CDK14: variants seen among roughly 807,000 people sequenced by gnomAD.
The protein encoded by CDK14 is cyclin dependent kinase 14.
Under a neutral mutation model 60.7 loss-of-function variants are expected in CDK14, and 34 were observed. The observed-to-expected ratio is 0.56, with a 90% confidence interval of 0.43 to 0.75. The LOEUF is 0.75. CDK14 is among the 30% of genes least tolerant of loss of function. The pLI, the probability that CDK14 is intolerant of heterozygous loss-of-function variation, is 0.00. For synonymous variants in CDK14, 197 were observed against 203.7 expected, an observed-to-expected ratio of 0.97 and a Z score of 0.28; for missense variants, 482 against 564.1, an observed-to-expected ratio of 0.85 and a Z score of 1.47.
chr7:91,161,938 T>C (rs1426942227), intron 14 of CDK14, among the ~76,000 whole-genome samples: 1 of 152,222 alleles, frequency 6.6e-6, no homozygotes, highest in Non-Finnish European at 1.5e-5. Context: ...TAAGTACATT[T>C]TTAATATAAC....
intron 5 of CDK14, among the ~76,000 whole-genome samples, chr7:90,839,274 C>T (rs1031849375): frequency 6.6e-6 from 1 of 152,042 alleles, no homozygotes; most frequent in African/African-American, 2.4e-5. Context: ...ATTGACCTGC[C>T]TAGGGATTCA....
intron 10 of CDK14, among the ~76,000 whole-genome samples, chr7:90,987,786 G>C (rs945600705): frequency 1.3e-5 from 2 of 151,974 alleles, no homozygotes; most frequent in Non-Finnish European, 1.5e-5. Flanking sequence ...CTATTAAATA[G>C]TAATTAGATC....
intron 4 of CDK14, among the ~76,000 whole-genome samples, chr7:90,779,486 AG>A (rs1354387386): frequency 1.3e-5 from 2 of 152,182 alleles, no homozygotes. Context: ...ACCCCTGGTC[AG>A]AAGTGATCTT....
At chr7:90,649,784 G>C (rs570478282) in intron 2 of CDK14, among the ~76,000 whole-genome samples, 1 of 151,948 alleles carries the variant, frequency 6.6e-6, no homozygotes, top group Non-Finnish European at 1.5e-5. Context: ...TGCAAAGGAC[G>C]TGAACTCATC....
At chr7:90,748,800 G>T (rs1339465269) in intron 4 of CDK14, among the ~76,000 whole-genome samples, 3 of 152,114 alleles carry the variant, frequency 2.0e-5, no homozygotes, top group Non-Finnish European at 2.9e-5. Flanking sequence ...TATTGCCCAG[G>T]CTGGTTTTAA....
chr7:91,123,215 T>C (rs973293918), intron 14 of CDK14, among the ~76,000 whole-genome samples: 1 of 152,214 alleles, frequency 6.6e-6, no homozygotes, highest in Non-Finnish European at 1.5e-5. Flanking sequence ...TCAGCACTTT[T>C]CAATATATAA....
intron 7 of CDK14, among the ~76,000 whole-genome samples, chr7:90,905,375 CAAAA>C (rs1195257788): frequency 6.6e-6 from 1 of 151,916 alleles, no homozygotes; most frequent in Non-Finnish European, 1.5e-5. Context: ...AACTGACAAA[CAAAA>C]GAACTAGATT....
intron 8 of CDK14, among the ~76,000 whole-genome samples, chr7:90,950,017 T>G (rs1369358299): frequency 6.6e-6 from 1 of 152,274 alleles, no homozygotes; most frequent in African/African-American, 2.4e-5. Flanking sequence ...ATTGGGCATT[T>G]AAGTCTTTTA....
intron 2 of CDK14, among the ~76,000 whole-genome samples, chr7:90,630,015 G>C (rs1366185898): frequency 6.6e-6 from 1 of 151,736 alleles, no homozygotes; most frequent in African/African-American, 2.4e-5. Context: ...CTCCAGCCTG[G>C]GCAACAGAAC....
At chr7:90,822,163 A>C (rs1231734466) in intron 5 of CDK14, among the ~76,000 whole-genome samples, 1 of 152,238 alleles carries the variant, frequency 6.6e-6, no homozygotes, top group Non-Finnish European at 1.5e-5. Flanking sequence ...TATTTTTGGC[A>C]GTATCTAGCA....
Position 90,615,600 on chromosome 7 carries a change from A to G in CDK14, c.123+11351A>G, listed in dbSNP as rs533588741. Reference sequence around the variant, plus strand: ...TGGTATTTTTTTTGAGTGGGAAAGAAGGGGGCTGAGTTGCAGTTAGAGTAC... The same window carrying G: ...TGGTATTTTTTTTGAGTGGGAAAGAGGGGGGCTGAGTTGCAGTTAGAGTAC... On this transcript the variant is annotated intron_variant, in intron 2 of 14. Coordinates refer to ENST00000380050, the MANE Select transcript of CDK14 (RefSeq NM_001287135.2). 7.2e-5 allele frequency among the ~76,000 whole-genome samples: 11 copies of G among 152,328 alleles called. No individual in the cohort carries two copies. The South Asian group carries it at 2.1e-3, about 29-fold the overall frequency.
At chr7:90,614,036 C>T (rs543834165) in intron 2 of CDK14, among the ~76,000 whole-genome samples, 13 of 124,632 alleles carry the variant, frequency 1.0e-4, no homozygotes, top group East Asian at 2.9e-4. Context: ...GATGGAGTTT[C>T]GCTCTTGTTG....
At chr7:90,863,062 G>A (rs1791059447) in intron 5 of CDK14, 113 bp from the exon 6 acceptor site, 9 of 543,578 alleles carry the variant, frequency 1.7e-5, no homozygotes. Flanking sequence ...TTATTGACTT[G>A]GAACATGTGA....
intron 9 of CDK14, among the ~76,000 whole-genome samples, chr7:90,976,356 G>A (rs750395239): frequency 4.0e-5 from 6 of 151,636 alleles, no homozygotes; most frequent in East Asian, 3.9e-4. Context: ...TTGTCCCCCC[G>A]CTTTTTTTTC....
At chr7:90,894,637 T>C (rs969296128) in intron 6 of CDK14, among the ~76,000 whole-genome samples, 8 of 152,212 alleles carry the variant, frequency 5.3e-5, no homozygotes, top group African/African-American at 1.9e-4. Flanking sequence ...GAAGCTTGAA[T>C]ACTTTATTCT....
At chr7:91,078,188 G>A (rs1342352488) in intron 11 of CDK14, among the ~76,000 whole-genome samples, 2 of 152,174 alleles carry the variant, frequency 1.3e-5, no homozygotes, top group Non-Finnish European at 2.9e-5. Context: ...ACATGTACAA[G>A]GATATTTGCT....
chr7:91,050,419 A>T (rs189584996), intron 11 of CDK14, among the ~76,000 whole-genome samples: 9 of 152,314 alleles, frequency 5.9e-5, no homozygotes, highest in Admixed American at 2.0e-4. Context: ...GGAAAAAAAA[A>T]ATATATAACA....
chr7:90,955,422 T>G (rs1232146356), intron 8 of CDK14, among the ~76,000 whole-genome samples: 1 of 152,198 alleles, frequency 6.6e-6, no homozygotes, highest in African/African-American at 2.4e-5. Flanking sequence ...TGTGTTATGA[T>G]AGTTTGTGAA....
At chr7:90,711,410 T>C (rs534435190) in intron 2 of CDK14, among the ~76,000 whole-genome samples, 1 of 152,210 alleles carries the variant, frequency 6.6e-6, no homozygotes, top group Admixed American at 6.5e-5. Flanking sequence ...GCCCTGTGTT[T>C]ACTGTTTCTT....
Sources: allele counts gnomAD v4.1 joint callset (sites outside exome capture counted in the v4.1 genomes callset), GRCh38; gene constraint gnomAD v4.1.1; transcripts MANE v1.5; gene names NCBI Gene and HGNC (gene_info 2026-07-23, HGNC 2026-07-21).